The following CTNNBIP1 variants were observed in gnomAD, a reference collection of about 807,000 sequenced individuals.
CTNNBIP1 encodes beta-catenin-interacting protein 1.
A neutral mutation model predicts 11.8 loss-of-function variants in CTNNBIP1; 7 were observed. That is an observed-to-expected ratio of 0.60 (90% CI 0.34 to 1.12). The LOEUF (loss-of-function observed/expected upper bound fraction) is 1.12. Among genes scored for constraint, CTNNBIP1 ranks in the 50% most tolerant of loss-of-function variants. The pLI is 0.03. For synonymous variants in CTNNBIP1, 58 were observed against 43.9 expected, an observed-to-expected ratio of 1.32 and a Z score of -1.26; for missense variants, 101 against 113.4, an observed-to-expected ratio of 0.89 and a Z score of 0.50.
At chr1:9,887,347 A>G (rs1639207862) in intron 1 of CTNNBIP1, among the ~76,000 whole-genome samples, 1 of 152,228 alleles carries the variant, frequency 6.6e-6, no homozygotes, top group South Asian at 2.1e-4. Flanking sequence ...ATCCAAGGCC[A>G]TGCTTTCCCT....
At chr1:9,876,826 G>C (rs1638976740) in intron 3 of CTNNBIP1, among the ~76,000 whole-genome samples, 1 of 145,700 alleles carries the variant, frequency 6.9e-6, no homozygotes, top group Non-Finnish European at 1.5e-5. Context: ...TAGACACAGA[G>C]ACACACTCCT....
At chr1:9,895,359 C>T (rs1639388945) in intron 1 of CTNNBIP1, among the ~76,000 whole-genome samples, 1 of 151,760 alleles carries the variant, frequency 6.6e-6, no homozygotes, top group African/African-American at 2.4e-5. Flanking sequence ...CCACCATGCC[C>T]AGCTAATTTT....
At chr1:9,866,551 G>A (rs1362373725) in intron 5 of CTNNBIP1, among the ~76,000 whole-genome samples, 1 of 151,978 alleles carries the variant, frequency 6.6e-6, no homozygotes, top group Non-Finnish European at 1.5e-5. Flanking sequence ...GTGGTGGCGG[G>A]AGCCTGTAAC....
chr1:9,889,250 T>C (rs1156793038), intron 1 of CTNNBIP1, among the ~76,000 whole-genome samples: 2 of 152,196 alleles, frequency 1.3e-5, no homozygotes, highest in Non-Finnish European at 2.9e-5. Flanking sequence ...CTTACCCTCA[T>C]ATTCCCTCTA....
chr1:9,903,653 C>T (rs896891373), intron 1 of CTNNBIP1, among the ~76,000 whole-genome samples: 6 of 152,112 alleles, frequency 3.9e-5, no homozygotes, highest in African/African-American at 9.7e-5. Flanking sequence ...CTGGGAACTA[C>T]GAAGGTACAA....
At chr1:9,854,213 A>G (rs1429483524) in intron 5 of CTNNBIP1, among the ~76,000 whole-genome samples, 3 of 152,162 alleles carry the variant, frequency 2.0e-5, no homozygotes, top group Admixed American at 6.5e-5. Context: ...CATCTCTACT[A>G]AAAATACAAA....
At chr1:9,853,635 C>T (rs1394557769) in intron 5 of CTNNBIP1, among the ~76,000 whole-genome samples, 3 of 152,220 alleles carry the variant, frequency 2.0e-5, no homozygotes, top group Admixed American at 6.5e-5. Flanking sequence ...AGCTGGGTTT[C>T]CTACCCTGTT....
At position 9,849,202 on chromosome 1, in the gene CTNNBIP1, A is replaced by C. The variant is rs964681501; in HGVS notation, c.*1516T>G. ...AGGTGGAAGGACTTAGGTTTGGTGC[A>C]GGAACACTAGACCTGCCCCTCACCC... On this transcript the variant is annotated 3_prime_UTR_variant, in exon 6 of 6. Coordinates refer to ENST00000377263, the MANE Select transcript of CTNNBIP1 (RefSeq NM_020248.3). The C allele has an allele frequency of 2.0e-5, 3 of 152,378 alleles. No homozygotes were observed. Among genetic ancestry groups the C allele is most frequent in the Non-Finnish European group, 4.4e-5 (3 of 68,166 alleles). The allele number at this position is 152,378 out of a possible 1,614,324, so 9.4% of individuals were successfully genotyped here.
At position 9,871,737 on chromosome 1, in the gene CTNNBIP1, G is replaced by T. The variant is rs996959465; in HGVS notation, c.96+232C>A. ...GGTCAGGGCCTTGAGACCCTCACCC[G>T]CCTGGCCCCAATCCGGCAGTGTCGG... On this transcript the variant is annotated intron_variant, in intron 4 of 5. Coordinates refer to ENST00000377263, the MANE Select transcript of CTNNBIP1 (RefSeq NM_020248.3). This position sits in a 1 kb window ranked among gnomAD's most constrained non-coding sequence, Gnocchi z 5.2. Among the ~76,000 whole-genome samples the T allele has an allele frequency of 1.3e-5, 2 of 152,136 alleles. No individual in the cohort carries two copies. The highest frequency in any genetic ancestry group is 4.8e-5 in the African/African-American group (2 of 41,436).
intron 1 of CTNNBIP1, among the ~76,000 whole-genome samples, chr1:9,887,790 G>C (rs530806909): frequency 6.6e-6 from 1 of 151,898 alleles, no homozygotes; most frequent in Non-Finnish European, 1.5e-5. Context: ...AGATTAATTC[G>C]AAAATAAGGC....
intron 5 of CTNNBIP1, among the ~76,000 whole-genome samples, chr1:9,869,901 G>A (rs1268638500): frequency 1.3e-5 from 2 of 152,218 alleles, no homozygotes; most frequent in Non-Finnish European, 2.9e-5. Flanking sequence ...GAGATCCCAG[G>A]ATGGGGCGGG....
intron 1 of CTNNBIP1, among the ~76,000 whole-genome samples, chr1:9,904,070 T>C (rs1269642059): frequency 6.6e-6 from 1 of 152,220 alleles, no homozygotes; most frequent in East Asian, 1.9e-4. Context: ...AATGCCACTA[T>C]CATTCACTTT....
chr1:9,908,023 C>T (rs1387406719), intron 1 of CTNNBIP1, among the ~76,000 whole-genome samples: 1 of 152,232 alleles, frequency 6.6e-6, no homozygotes, highest in East Asian at 1.9e-4. Flanking sequence ...CTCTTTATTA[C>T]GACCTACAAA....
At chr1:9,908,525 C>A (rs1339903182) in intron 1 of CTNNBIP1, among the ~76,000 whole-genome samples, 4 of 151,638 alleles carry the variant, frequency 2.6e-5, no homozygotes, top group Non-Finnish European at 5.9e-5. Context: ...CAGGTGCCCA[C>A]CACCACGCCC....
At position 9,871,675 on chromosome 1, in the gene CTNNBIP1, G is replaced by A. The variant is rs1638863792; in HGVS notation, c.96+294C>T. On this transcript the variant is annotated intron_variant, in intron 4 of 5. Transcript: ENST00000377263. This position sits in a 1 kb window ranked among gnomAD's most constrained non-coding sequence, Gnocchi z 5.2. ...GTTGTCCCTGAGCTGCCCCCTGGGA[G>A]AGAAGACTTTCGGGCTTGTGAGGGG... 6.6e-6 allele frequency among the ~76,000 whole-genome samples: 1 copy of A among 152,190 alleles called. No homozygotes were observed. Among genetic ancestry groups the A allele is most frequent in the African/African-American group, 2.4e-5 (1 of 41,438 alleles).
At chr1:9,858,736 G>T (rs1638562803) in intron 5 of CTNNBIP1, among the ~76,000 whole-genome samples, 1 of 152,134 alleles carries the variant, frequency 6.6e-6, no homozygotes, top group South Asian at 2.1e-4. Flanking sequence ...ACTTTGTTTT[G>T]TTCACTGACA....
chr1:9,893,324 C>T (rs1327019365), intron 1 of CTNNBIP1: 1 of 152,192 alleles, frequency 6.6e-6, no homozygotes, highest in Non-Finnish European at 1.5e-5. Flanking sequence ...CACACCCTGG[C>T]AAACTAGCTC....
intron 1 of CTNNBIP1, among the ~76,000 whole-genome samples, chr1:9,894,468 C>G (rs1042982399): frequency 1.3e-5 from 2 of 151,574 alleles, no homozygotes; most frequent in Non-Finnish European, 2.9e-5. Context: ...TGATCCTCCC[C>G]CCTCAGCCTC....
Position 9,864,476 on chromosome 1 carries a change from C to A in CTNNBIP1, c.187+6711G>T, listed in dbSNP as rs1353849600. Reference sequence around the variant, plus strand: ...CCTGAGTAGCCAGGACTACAGGCGCCCGCCACCACGCCCGGCTAATTTTTT... The same window carrying A: ...CCTGAGTAGCCAGGACTACAGGCGCACGCCACCACGCCCGGCTAATTTTTT... On this transcript the variant is annotated intron_variant, in intron 5 of 5. Transcript: ENST00000377263. Among the ~76,000 whole-genome samples, 3 of 152,320 alleles carry A rather than the reference C, an allele frequency of 2.0e-5. No individual in the cohort carries two copies. In the East Asian group the frequency reaches 5.8e-4, roughly 29 times the overall value.
Sources: gnomAD v4.1 joint callset for allele counts (sites outside exome capture counted in the v4.1 genomes callset) on GRCh38, gnomAD v4.1.1 for gene constraint, Gnocchi (gnomAD v3.1) non-coding constraint, MANE v1.5 for transcripts, NCBI Gene and HGNC (gene_info 2026-07-23, HGNC 2026-07-21) for gene names.